VIPAS39: variants seen among roughly 807,000 people sequenced by gnomAD.
VIPAS39 encodes spermatogenesis-defective protein 39 homolog.
A neutral mutation model predicts 84.7 loss-of-function variants in VIPAS39; 63 were observed. The observed-to-expected ratio is 0.74, with a 90% CI of 0.61 to 0.92. The LOEUF (loss-of-function observed/expected upper bound fraction) is 0.92. VIPAS39 is among the 40% of genes least tolerant of loss of function. The pLI is 0.00. For missense variants in VIPAS39, 499 were observed against 604.5 expected, an observed-to-expected ratio of 0.83 and a Z score of 1.83; for synonymous variants, 192 against 216.5, an observed-to-expected ratio of 0.89 and a Z score of 0.99.
rs558959240 is a variant in VIPAS39 at position 77,428,431 on chromosome 14, C to T, written c.1400G>A (p.Arg467Lys). Reference sequence around the variant, plus strand: ...TGCTGATCCTTTATCTACCTTACTCCTGTATGCTAGCAACTGTTGACGATC... The same window carrying T: ...TGCTGATCCTTTATCTACCTTACTCTTGTATGCTAGCAACTGTTGACGATC... ...LKDRQQLLAY[R>K]SKVDKGSAEE... is the part of the protein sequence containing the mutation. The change falls in exon 19 of 20, where the codon AGG becomes AAG. Residue 467 changes from arginine to lysine, a missense_variant. Arg to Lys is a conservative substitution (Grantham distance 26, BLOSUM62 2). Coordinates refer to ENST00000557658, the MANE Select transcript of VIPAS39 (RefSeq NM_001193315.2). The T allele has an allele frequency of 2.5e-6, 4 of 1,614,130 alleles. No homozygotes were observed. In the African/African-American group the frequency reaches 4.0e-5, roughly 16 times the overall value.
At chr14:77,438,436 C>G (rs533323984) in intron 11 of VIPAS39, among the ~76,000 whole-genome samples, 1 of 152,302 alleles carries the variant, frequency 6.6e-6, no homozygotes, top group East Asian at 1.9e-4. Context: ...ACTATGATGG[C>G]CAGGCTGGTC....
intron 11 of VIPAS39, among the ~76,000 whole-genome samples, chr14:77,438,539 A>G (rs2078651956): frequency 6.6e-6 from 1 of 152,240 alleles, no homozygotes; most frequent in South Asian, 2.1e-4. Context: ...CAAATATGGA[A>G]TATTTCTATC....
Position 77,429,718 on chromosome 14 carries a change from A to G in VIPAS39, c.1229T>C (p.Val410Ala). Residue 410 changes from valine to alanine, a missense_variant, in exon 17 of 20, where the codon GTT (valine) becomes GCT (alanine). Val to Ala is a moderately conservative substitution (Grantham distance 64). Coordinates refer to ENST00000557658, the MANE Select transcript of VIPAS39 (RefSeq NM_001193315.2). ...ATTGTTCTTGTGCAAAATTTCGACA[A>G]CCCGATGGAAGCCAATGGGTGCTCT... is the stretch of plus-strand genomic sequence containing the variant. ...KKRAPIGFHR[V>A]VEILHKNNAP... 3 of 1,614,116 alleles carry G rather than the reference A, an allele frequency of 1.9e-6. No homozygotes were observed. The highest frequency in any genetic ancestry group is 2.5e-6 in the Non-Finnish European group (3 of 1,180,010).
intron 16 of VIPAS39, 75 bp downstream of exon 16, chr14:77,433,767 G>T: frequency 1.4e-6 from 2 of 1,450,782 alleles, no homozygotes; most frequent in South Asian, 1.3e-5. Context: ...AATGTAAACC[G>T]GTAACTAGAA....
chr14:77,437,419 A>G lies in VIPAS39; in HGVS notation c.836+389T>C, dbSNP rs910945359. 2.6e-5 allele frequency among the ~76,000 whole-genome samples: 4 copies of G among 152,200 alleles called. 1 individual carries two copies. Among genetic ancestry groups the G allele is most frequent in the Admixed American group, 1.3e-4 (2 of 15,276 alleles). On this transcript the variant is annotated intron_variant, in intron 12 of 19. Coordinates refer to ENST00000557658, the MANE Select transcript of VIPAS39 (RefSeq NM_001193315.2). ...GGTTTCAAGGACCAGTAACACTGAAAAAATGCATCAGGTCCCTAAAGTATT... is the reference window on the plus strand; with the variant it reads ...GGTTTCAAGGACCAGTAACACTGAAGAAATGCATCAGGTCCCTAAAGTATT...
intron 1 of VIPAS39, 198 bp downstream of exon 1, chr14:77,457,297 G>C: frequency 6.5e-7 from 1 of 1,535,640 alleles, no homozygotes; most frequent in Non-Finnish European, 8.7e-7. Context: ...GTCCGCTTCC[G>C]AACCAATCGC....
chr14:77,436,250 C>G (rs2078609569), intron 12 of VIPAS39, among the ~76,000 whole-genome samples: 2 of 152,338 alleles, frequency 1.3e-5, no homozygotes, highest in South Asian at 4.1e-4. Flanking sequence ...GCCTAGGCAA[C>G]TGCCCATCAT....
At chr14:77,430,221 A>G (rs1053249001) in intron 16 of VIPAS39, among the ~76,000 whole-genome samples, 3 of 152,052 alleles carry the variant, frequency 2.0e-5, no homozygotes, top group Admixed American at 6.6e-5. Flanking sequence ...AAGGAACTTC[A>G]CTCTTTCTAT....
chr14:77,430,423 A>C (rs1224586066), intron 16 of VIPAS39, among the ~76,000 whole-genome samples: 3 of 152,170 alleles, frequency 2.0e-5, no homozygotes, highest in Admixed American at 6.5e-5. Flanking sequence ...TGTTAAAGAA[A>C]AACAAAATGG....
chr14:77,444,482 C>A (rs886462148), intron 7 of VIPAS39, 141 bp from the exon 8 acceptor site: 2 of 712,752 alleles, frequency 2.8e-6, no homozygotes, highest in African/African-American at 3.6e-5. Context: ...GTCCCCAGCA[C>A]TTATAAAACA....
At chr14:77,438,011 G>T in intron 11 of VIPAS39, 130 bp from the exon 12 acceptor site, 1 of 858,616 alleles carries the variant, frequency 1.2e-6, no homozygotes, top group Non-Finnish European at 1.9e-6. Flanking sequence ...TATTGGAGGC[G>T]GGTGGGGGGA....
chr14:77,457,150 C>CT, intron 1 of VIPAS39: 1 of 1,440,180 alleles, frequency 6.9e-7, no homozygotes, highest in Non-Finnish European at 9.1e-7. Flanking sequence ...ACAGGTGAGG[C>CT]TTGTGAACTG....
chr14:77,446,631 C>T (rs1166267498), intron 7 of VIPAS39, among the ~76,000 whole-genome samples: 1 of 152,018 alleles, frequency 6.6e-6, no homozygotes, highest in East Asian at 1.9e-4. Flanking sequence ...TCTAGAACAG[C>T]CAAAACAATT....
At chr14:77,436,677 T>C (rs1303952066) in intron 12 of VIPAS39, among the ~76,000 whole-genome samples, 1 of 152,078 alleles carries the variant, frequency 6.6e-6, no homozygotes, top group Non-Finnish European at 1.5e-5. Flanking sequence ...TCTCCTAACC[T>C]CGTGATCCAC....
rs755556421 is a variant in VIPAS39 at position 77,437,836 on chromosome 14, G to A, written c.808C>T (p.Arg270Ter). The A allele has an allele frequency of 1.9e-5, 31 of 1,613,636 alleles. No homozygotes were observed. The highest frequency in any genetic ancestry group is 1.6e-4 in the Middle Eastern group (1 of 6,084). ...EHLNIQDPDKRKEFLKTCVGL... is the reference protein window; with the variant it reads ...EHLNIQDPDK ...ACACAGGTTTTAAGAAATTCTTTTC[G>A]TTTGTCAGGGTCCTGAATGTTCAAA... Residue 270 changes from arginine to a stop codon, truncating the protein, a stop_gained, in exon 12 of 20, where the codon CGA becomes TGA. Transcript: ENST00000557658. LOFTEE classifies it high-confidence loss of function.
At chr14:77,433,802 G>C in intron 16 of VIPAS39, 40 bp downstream of exon 16, 1 of 1,594,878 alleles carries the variant, frequency 6.3e-7, no homozygotes. Context: ...GAACCCTTCT[G>C]TCTCCCAAGG....
In VIPAS39 at chr14:77,457,475, G is replaced by C. The variant is rs1289707218; in HGVS notation, c.-1+20C>G. ...GGATCCAGCCAGATACGCGACCCAA[G>C]GGGCTTGGGACACCCTCACCTCTTC... On this transcript the variant is annotated intron_variant, in intron 1 of 19. Transcript: ENST00000557658. The C allele has an allele frequency of 1.4e-6, 2 of 1,405,916 alleles. No homozygotes were observed. Among genetic ancestry groups the C allele is most frequent in the Non-Finnish European group, 9.7e-7 (1 of 1,031,232 alleles). 87.1% of individuals were successfully genotyped at this position (1,405,916 alleles called of 1,614,324 possible). A position where few individuals can be genotyped will look rare whatever the true frequency, so the allele number is the denominator to read the frequency against.
chr14:77,449,439 A>AT (rs1475657342), intron 5 of VIPAS39, 82 bp from the exon 6 acceptor site: 19 of 1,565,684 alleles, frequency 1.2e-5, no homozygotes, highest in Non-Finnish European at 1.6e-5. Flanking sequence ...TCGTTCTCAC[A>AT]TTTTTTTGAC....
chr14:77,439,357 TA>T (rs1009219202), intron 11 of VIPAS39, among the ~76,000 whole-genome samples: 1 of 152,210 alleles, frequency 6.6e-6, no homozygotes, highest in Non-Finnish European at 1.5e-5. Flanking sequence ...GTTTTGAACT[TA>T]CAGAGATTTA....
Sources: gnomAD v4.1 joint callset for allele counts (sites outside exome capture counted in the v4.1 genomes callset) on GRCh38, gnomAD v4.1.1 for gene constraint, MANE v1.5 for transcripts, NCBI Gene and HGNC (gene_info 2026-07-23, HGNC 2026-07-21) for gene names.